The following EYA2 variants were observed in gnomAD, a reference collection of about 807,000 sequenced individuals.
EYA2 encodes EYA transcriptional coactivator and phosphatase 2.
In EYA2, 31 loss-of-function variants were observed where a neutral mutation model predicts 69.2. The ratio of observed to expected loss-of-function variants is 0.45; its 90% CI spans 0.34 to 0.60. The LOEUF (loss-of-function observed/expected upper bound fraction) is 0.60. Among genes scored for constraint, EYA2 ranks in the 20% least tolerant of loss-of-function variants. The pLI is 0.02. For missense variants in EYA2, 622 were observed against 701.2 expected (o/e 0.89, Z 1.28); for synonymous variants, 257 against 279.4 (o/e 0.92, Z 0.80).
In EYA2 at chr20:47,121,383, G is replaced by A. The variant is rs138090197; in HGVS notation, c.889-21676G>A. Among the ~76,000 whole-genome samples, 147 of 152,202 alleles carry A rather than the reference G, an allele frequency of 9.7e-4. 1 individual carries two copies. The highest frequency in any genetic ancestry group is 3.3e-3 in the African/African-American group (137 of 41,514). On this transcript the variant is annotated intron_variant, in intron 9 of 15. Transcript: ENST00000327619. ...GCTGGAATTACACGCATGAGCCACC[G>A]TGCCCCGCCAGAATTCAATGTTTTC...
At chr20:46,909,936 G>A (rs116167978) in intron 1 of EYA2, among the ~76,000 whole-genome samples, 1,647 of 152,272 alleles carry the variant, frequency 0.011, 29 homozygotes, top group African/African-American at 0.036. Context: ...TACTAGGTCA[G>A]TATTTTTAAG....
At chr20:46,955,135 G>A (rs2146280273) in intron 1 of EYA2, among the ~76,000 whole-genome samples, 1 of 123,466 alleles carries the variant, frequency 8.1e-6, no homozygotes, top group South Asian at 2.8e-4. Flanking sequence ...CGTTCATGCA[G>A]TCATTTTTTT....
At chr20:47,108,144 C>G (rs1410070705) in intron 9 of EYA2, among the ~76,000 whole-genome samples, 1 of 152,142 alleles carries the variant, frequency 6.6e-6, no homozygotes, top group African/African-American at 2.4e-5. Flanking sequence ...TTTGTTGAGC[C>G]CCACAAAGTC....
chr20:47,025,899 A>G (rs1249547970), intron 5 of EYA2, among the ~76,000 whole-genome samples: 1 of 152,210 alleles, frequency 6.6e-6, no homozygotes, highest in Non-Finnish European at 1.5e-5. Context: ...GGCAGTAGTA[A>G]TTTCTAAGTC....
chr20:46,918,432 C>G (rs1375582974), intron 1 of EYA2, among the ~76,000 whole-genome samples: 1 of 152,084 alleles, frequency 6.6e-6, no homozygotes, highest in Non-Finnish European at 1.5e-5. Context: ...CCTCAGCCTC[C>G]CGAGTAACTG....
chr20:46,908,733 G>A (rs1388526001), intron 1 of EYA2, among the ~76,000 whole-genome samples: 1 of 151,982 alleles, frequency 6.6e-6, no homozygotes, highest in African/African-American at 2.4e-5. Flanking sequence ...TAAGAGAAAT[G>A]TCCCGCTTTT....
intron 10 of EYA2, among the ~76,000 whole-genome samples, chr20:47,143,717 C>T (rs552695977): frequency 4.6e-5 from 7 of 152,242 alleles, no homozygotes; most frequent in African/African-American, 1.7e-4. Flanking sequence ...AAATTGAATT[C>T]ATTTGTTTAT....
At chr20:47,007,678 C>T (rs1004392682) in intron 4 of EYA2, among the ~76,000 whole-genome samples, 3 of 152,002 alleles carry the variant, frequency 2.0e-5, no homozygotes, top group Admixed American at 6.6e-5. Context: ...TGCCATGGTG[C>T]AATCATAGCT....
chr20:46,895,216 G>A (rs1020348173), intron 1 of EYA2, among the ~76,000 whole-genome samples: 1 of 152,196 alleles, frequency 6.6e-6, no homozygotes, highest in East Asian at 1.9e-4. Flanking sequence ...TCCCAGGCTC[G>A]GGGCCCCAGT....
chr20:47,023,748 A>G (rs752533962), intron 5 of EYA2, among the ~76,000 whole-genome samples: 1 of 140,196 alleles, frequency 7.1e-6, no homozygotes, highest in Non-Finnish European at 1.5e-5. Context: ...AGCGATTCTT[A>G]TGCCTCAGCC....
chr20:46,988,683 T>C (rs947090838), intron 1 of EYA2, among the ~76,000 whole-genome samples: 2 of 152,178 alleles, frequency 1.3e-5, no homozygotes, highest in Non-Finnish European at 2.9e-5. Context: ...CCTTATTTTC[T>C]AAACCCAGTG....
At chr20:47,101,963 G>T (rs566156943) in intron 9 of EYA2, among the ~76,000 whole-genome samples, 1 of 152,328 alleles carries the variant, frequency 6.6e-6, no homozygotes, top group South Asian at 2.1e-4. Flanking sequence ...ATTAATAGCT[G>T]TCATCAAGTA....
At chr20:47,097,029 A>T in intron 8 of EYA2, 56 bp from the exon 9 acceptor site, 1 of 1,260,620 alleles carries the variant, frequency 7.9e-7, no homozygotes, top group Non-Finnish European at 1.2e-6. Context: ...TGCAGACATT[A>T]AGTCAGATGC....
intron 9 of EYA2, among the ~76,000 whole-genome samples, chr20:47,123,570 C>G (rs1330241253): frequency 3.9e-5 from 6 of 152,144 alleles, no homozygotes; most frequent in Admixed American, 3.9e-4. Flanking sequence ...AAGGCTGAAA[C>G]CACTCCACAA....
At chr20:47,080,545 G>T (rs894233466) in intron 7 of EYA2, among the ~76,000 whole-genome samples, 3 of 152,010 alleles carry the variant, frequency 2.0e-5, no homozygotes, top group South Asian at 2.1e-4. Flanking sequence ...CAAAATTTCA[G>T]TTAATAGGAA....
At chr20:46,911,231 TTGTG>T (rs140564632) in intron 1 of EYA2, among the ~76,000 whole-genome samples, 6,552 of 148,270 alleles carry the variant, frequency 0.044, 290 homozygotes, top group East Asian at 0.14. Flanking sequence ...GCTGGATAAT[TTGTG>T]TGTGTGTGTG....
chr20:47,119,465 T>C (rs1423615165), intron 9 of EYA2, among the ~76,000 whole-genome samples: 1 of 152,208 alleles, frequency 6.6e-6, no homozygotes, highest in African/African-American at 2.4e-5. Flanking sequence ...AATCATAGGA[T>C]AGTCATACTC....
chr20:47,150,263 G>A (rs749348622), intron 10 of EYA2, among the ~76,000 whole-genome samples: 13 of 152,180 alleles, frequency 8.5e-5, no homozygotes, highest in Admixed American at 1.3e-4. Context: ...TGTGGTCTAA[G>A]TCACCATCAT....
intron 4 of EYA2, among the ~76,000 whole-genome samples, chr20:47,013,261 A>G (rs1983188558): frequency 6.6e-6 from 1 of 152,192 alleles, no homozygotes; most frequent in African/African-American, 2.4e-5. Context: ...AGTGCCAGGC[A>G]GGAGAACTGC....
Sources: gnomAD v4.1 joint callset for allele counts (sites outside exome capture counted in the v4.1 genomes callset) on GRCh38, gnomAD v4.1.1 for gene constraint, MANE v1.5 for transcripts, NCBI Gene and HGNC (gene_info 2026-07-23, HGNC 2026-07-21) for gene names.